Variants in ULK4 observed in about 807,000 individuals in gnomAD.
The protein encoded by ULK4 is unc-51 like kinase 4, also known as inactive serine/threonine-protein kinase ULK4.
ULK4 carries 133 observed loss-of-function variants against 160.6 expected under a neutral mutation model. That is an observed-to-expected ratio of 0.83 (90% CI 0.72 to 0.96). The LOEUF is 0.96. ULK4 is among the 40% of genes least tolerant of loss of function. The probability of loss-of-function intolerance (pLI) is 0.00; values close to 1 mark genes in which losing one functional copy is unlikely to be tolerated. For synonymous variants in ULK4, 534 were observed against 539.8 expected, an observed-to-expected ratio of 0.99 and a Z score of 0.15; for missense variants, 1,580 against 1,499.5, an observed-to-expected ratio of 1.05 and a Z score of -0.89.
chr3:41,373,840 A>G (rs1190906334), intron 35 of ULK4, among the ~76,000 whole-genome samples: 5 of 152,214 alleles, frequency 3.3e-5, no homozygotes, highest in Non-Finnish European at 1.5e-5. Flanking sequence ...AAATCAATGA[A>G]TCCAGGAGCT....
chr3:41,811,950 C>A (rs957658412), intron 19 of ULK4, among the ~76,000 whole-genome samples: 1 of 152,164 alleles, frequency 6.6e-6, no homozygotes, highest in African/African-American at 2.4e-5. Context: ...CTTTTCCAAA[C>A]AGGCCAACCT....
chr3:41,866,575 G>A (rs1205650186), intron 17 of ULK4, among the ~76,000 whole-genome samples: 2 of 152,178 alleles, frequency 1.3e-5, no homozygotes, highest in African/African-American at 4.8e-5. Context: ...AGGCAGTAAT[G>A]CTCACTGGCC....
At chr3:41,533,721 C>T (rs2086399117) in intron 32 of ULK4, among the ~76,000 whole-genome samples, 1 of 152,208 alleles carries the variant, frequency 6.6e-6, no homozygotes, top group Non-Finnish European at 1.5e-5. Flanking sequence ...TGGTGTTCTG[C>T]AGGAAAAGTT....
intron 35 of ULK4, among the ~76,000 whole-genome samples, chr3:41,277,209 C>T (rs932792096): frequency 6.6e-6 from 1 of 152,088 alleles, no homozygotes; most frequent in Non-Finnish European, 1.5e-5. Flanking sequence ...GACACTATCC[C>T]ACAAGATAAC....
At chr3:41,639,791 C>A (rs1053898327) in intron 30 of ULK4, among the ~76,000 whole-genome samples, 4 of 152,106 alleles carry the variant, frequency 2.6e-5, no homozygotes, top group African/African-American at 9.7e-5. Flanking sequence ...TGGTCTAAGG[C>A]AACTGTCATT....
intron 33 of ULK4, among the ~76,000 whole-genome samples, chr3:41,457,041 G>C (rs1487219382): frequency 1.3e-5 from 2 of 152,194 alleles, no homozygotes; most frequent in Non-Finnish European, 2.9e-5. Context: ...TTTCCTGTCA[G>C]GAAACAAATG....
At chr3:41,621,493 T>C (rs1413478709) in intron 30 of ULK4, among the ~76,000 whole-genome samples, 2 of 152,018 alleles carry the variant, frequency 1.3e-5, no homozygotes, top group African/African-American at 4.8e-5. Context: ...TCAACAAACC[T>C]GACAAAAACA....
intron 35 of ULK4, among the ~76,000 whole-genome samples, chr3:41,352,941 C>T (rs77371938): frequency 0.012 from 1,768 of 152,274 alleles, 20 homozygotes; most frequent in South Asian, 0.059. Context: ...TACCATCTTC[C>T]ACCCAATTGG....
chr3:41,728,031 T>A (rs905067372), intron 22 of ULK4, among the ~76,000 whole-genome samples: 1 of 152,204 alleles, frequency 6.6e-6, no homozygotes, highest in African/African-American at 2.4e-5. Context: ...AGGTAAAGAC[T>A]GCCAGAATAG....
At chr3:41,649,263 A>G (rs2034638037) in intron 30 of ULK4, among the ~76,000 whole-genome samples, 1 of 152,190 alleles carries the variant, frequency 6.6e-6, no homozygotes, top group South Asian at 2.1e-4. Context: ...CGGCCTCTCC[A>G]AAGATGCCAG....
In ULK4 at chr3:41,578,323, T is replaced by TA. The variant is rs558359099; in HGVS notation, c.3121-12194dup. Among the ~76,000 whole-genome samples, 61 of 152,320 alleles carry TA rather than the reference T, an allele frequency of 4.0e-4. No individual in the cohort carries two copies. The East Asian group carries it at 0.012, about 29-fold the overall frequency. On this transcript the variant is annotated intron_variant, in intron 31 of 36. Coordinates refer to ENST00000301831, the MANE Select transcript of ULK4 (RefSeq NM_017886.4). ...CTGGAATTTGCTGCACTTGGTATTT[T>TA]AAGCATGATCATATTTCTGTTCCCA... is the stretch of plus-strand genomic sequence containing the variant.
chr3:41,598,456 T>C (rs1413423313), intron 31 of ULK4, among the ~76,000 whole-genome samples: 3 of 152,172 alleles, frequency 2.0e-5, no homozygotes, highest in Admixed American at 6.5e-5. Context: ...GAGTAATATA[T>C]TTCAAAGGGA....
At chr3:41,856,512 A>ATATATAT (rs2042339374) in intron 17 of ULK4, among the ~76,000 whole-genome samples, 1 of 99,190 alleles carries the variant, frequency 1.0e-5, no homozygotes, top group African/African-American at 3.6e-5. Flanking sequence ...TAAATAAATA[A>ATATATAT]ATATATATAT....
intron 17 of ULK4, among the ~76,000 whole-genome samples, chr3:41,869,916 A>G (rs1575858313): frequency 6.6e-6 from 1 of 152,212 alleles, no homozygotes; most frequent in East Asian, 1.9e-4. Flanking sequence ...TTTGGAGACT[A>G]ATTTACTCAT....
chr3:41,562,176 T>C (rs749920460), intron 32 of ULK4, among the ~76,000 whole-genome samples: 1 of 152,202 alleles, frequency 6.6e-6, no homozygotes, highest in Non-Finnish European at 1.5e-5. Flanking sequence ...CAGTTTTGAG[T>C]GAGTTTCCTA....
At chr3:41,850,691 G>A (rs2042189301) in intron 17 of ULK4, among the ~76,000 whole-genome samples, 1 of 152,022 alleles carries the variant, frequency 6.6e-6, no homozygotes, top group East Asian at 1.9e-4. Context: ...TGCGTTCATT[G>A]TAGATTCTGG....
At chr3:41,518,042 C>A (rs963644228) in intron 32 of ULK4, among the ~76,000 whole-genome samples, 2 of 152,126 alleles carry the variant, frequency 1.3e-5, no homozygotes, top group Non-Finnish European at 2.9e-5. Context: ...AAATCTTCTG[C>A]ATATGGTACA....
At chr3:41,935,099 T>C (rs1321938885) in intron 4 of ULK4, among the ~76,000 whole-genome samples, 1 of 138,470 alleles carries the variant, frequency 7.2e-6, no homozygotes, top group African/African-American at 2.7e-5. Context: ...CACTGCAACC[T>C]CTGCCTCCCG....
At chr3:41,292,538 C>T (rs887057970) in intron 35 of ULK4, among the ~76,000 whole-genome samples, 4 of 152,006 alleles carry the variant, frequency 2.6e-5, no homozygotes, top group Admixed American at 6.6e-5. Context: ...TCCAGCTACT[C>T]GGGAGGCTGA....
Sources: gnomAD v4.1 joint callset for allele counts (sites outside exome capture counted in the v4.1 genomes callset) on GRCh38, gnomAD v4.1.1 for gene constraint, MANE v1.5 for transcripts, NCBI Gene and HGNC (gene_info 2026-07-23, HGNC 2026-07-21) for gene names.